The following SPAG5 variants were observed in gnomAD, a reference collection of about 807,000 sequenced individuals.
SPAG5 encodes sperm-associated antigen 5.
A neutral mutation model predicts 145.4 loss-of-function variants in SPAG5; 99 were observed. That is an observed-to-expected ratio of 0.68 (90% CI 0.58 to 0.80). The LOEUF (loss-of-function observed/expected upper bound fraction) is 0.80, where lower values mean the gene tolerates loss of function less well. Among genes scored for constraint, SPAG5 ranks in the 30% least tolerant of loss-of-function variants. The pLI is 0.00. For missense variants in SPAG5, 1,192 were observed against 1,416.0 expected, an observed-to-expected ratio of 0.84 and a Z score of 2.54; for synonymous variants, 477 against 525.4, an observed-to-expected ratio of 0.91 and a Z score of 1.26.
At chr17:28,578,161 C>T (rs1047579354) in intron 22 of SPAG5, 57 bp downstream of exon 22, 14 of 1,605,790 alleles carry the variant, frequency 8.7e-6, no homozygotes, top group East Asian at 6.7e-5. Context: ...GGAAACATGG[C>T]GGGGCATTTG....
rs563526177 is a variant in SPAG5 at position 28,598,740 on chromosome 17, G to A, written c.52-105C>T. The A allele has an allele frequency of 4.9e-5, 75 of 1,519,210 alleles. No individual in the cohort carries two copies. The African/African-American group carries it at 9.8e-4, about 20-fold the overall frequency. 94.1% of individuals were successfully genotyped at this position (1,519,210 alleles called of 1,614,324 possible). A position where few individuals can be genotyped will look rare whatever the true frequency, so the allele number is the denominator to read the frequency against. On this transcript the variant is annotated intron_variant, in intron 1 of 23. Transcript: ENST00000321765. ...GCCCAAAATGCGATTAGAAGAGTAC[G>A]CTCGCACCCTAGTCGCGCAGGAGCA... is the stretch of plus-strand genomic sequence containing the variant.
At position 28,585,187 on chromosome 17, in the gene SPAG5, C is replaced by T. The variant is rs1055479641; in HGVS notation, c.1982G>A (p.Arg661Gln). 3.7e-6 allele frequency: 6 copies of T among 1,614,062 alleles called. No homozygotes were observed. The highest frequency in any genetic ancestry group is 5.1e-6 in the Non-Finnish European group (6 of 1,180,036). Residue 661 changes from arginine to glutamine, a missense_variant, in exon 10 of 24, where the codon CGG becomes CAG. Arg to Gln is a conservative substitution (Grantham distance 43, BLOSUM62 1). Transcript: ENST00000321765. ...DYTTWTALLS[R>Q]SRQLTEKLTV... ...GAGTTTCTCTGTGAGTTGTCGGGAC[C>T]GACTCAGCAAAGCTGTCCATGTTGT...
chr17:28,578,962 C>T (rs1033498401), intron 19 of SPAG5, among the ~76,000 whole-genome samples, 179 bp downstream of exon 19: 1 of 152,176 alleles, frequency 6.6e-6, no homozygotes, highest in Non-Finnish European at 1.5e-5. Flanking sequence ...CCTGAGTCAG[C>T]CTGGGAAGAC....
chr17:28,579,277 C>CA (rs750261574), intron 18 of SPAG5, 25 bp from the exon 19 acceptor site: 1 of 1,613,832 alleles, frequency 6.2e-7, no homozygotes, highest in East Asian at 2.2e-5. Flanking sequence ...AATTTAGCAA[C>CA]ATTCCTGTCC....
intron 14 of SPAG5, 74 bp from the exon 15 acceptor site, chr17:28,583,723 A>C: frequency 1.3e-6 from 2 of 1,549,040 alleles, no homozygotes; most frequent in Non-Finnish European, 1.7e-6. Context: ...ATCCCCACAG[A>C]GCTGCATTAA....
At chr17:28,581,080 G>C (rs1183045433) in intron 15 of SPAG5, among the ~76,000 whole-genome samples, 1 of 152,192 alleles carries the variant, frequency 6.6e-6, no homozygotes, top group East Asian at 1.9e-4. Context: ...CTAGCAAATT[G>C]TGGCCTACAG....
At chr17:28,597,829 C>G (rs2070678267) in intron 2 of SPAG5, among the ~76,000 whole-genome samples, 2 of 152,174 alleles carry the variant, frequency 1.3e-5, no homozygotes, top group Admixed American at 1.3e-4. Context: ...TTCTAGAAGG[C>G]AGAGCAAGAG....
At chr17:28,580,195 TCTC>T in intron 15 of SPAG5, 75 bp from the exon 16 acceptor site, 1 of 917,624 alleles carries the variant, frequency 1.1e-6, no homozygotes. Flanking sequence ...CTCCCAGCCA[TCTC>T]CTCCAAAATG....
intron 2 of SPAG5, 46 bp downstream of exon 2, chr17:28,598,464 C>A (rs1199368899): frequency 6.2e-7 from 1 of 1,602,034 alleles, no homozygotes; most frequent in African/African-American, 1.3e-5. Flanking sequence ...TGAGCTCTCA[C>A]CCTGGGCAAA....
Position 28,579,440 on chromosome 17 carries a change from G to A in SPAG5, c.2930C>T (p.Thr977Ile). 1.9e-6 allele frequency: 3 copies of A among 1,614,074 alleles called. No individual in the cohort carries two copies. Among genetic ancestry groups the A allele is most frequent in the Non-Finnish European group, 2.5e-6 (3 of 1,179,960 alleles). The change falls in exon 18 of 24, where the codon ACT becomes ATT. Residue 977 changes from threonine to isoleucine, a missense_variant. Physicochemically the swap from Thr to Ile is moderately conservative, Grantham distance 89 (BLOSUM62 -1). Transcript: ENST00000321765. ...GGAACAAAGACTCTGAAGCTCAGTA[G>A]TCATAATACTCATTTCTGCCAGGCT... ...EESLAEMSIM[T>I]TELQSLCSLL... is the part of the protein sequence containing the mutation.
rs1253347037 is a variant in SPAG5 at position 28,579,251 on chromosome 17, A to T, written c.3007T>A (p.Cys1003Ser). 1 of 1,614,162 alleles carries T rather than the reference A, an allele frequency of 6.2e-7. No homozygotes were observed. Among genetic ancestry groups the T allele is most frequent in the Non-Finnish European group, 8.5e-7 (1 of 1,180,002 alleles). ...EAIRTLQRKI[C>S]ELQARLQAQE... ...GCCTGCAGCCTAGCTTGCAGCTCAC[A>T]ACTGAAGGAAGGAAGAATTTAGCAA... The change falls in exon 19 of 24, where the codon TGT (cysteine) becomes AGT (serine). Residue 1003 changes from cysteine (C) to serine (S), a missense_variant and splice_region_variant. Coordinates refer to ENST00000321765, the MANE Select transcript of SPAG5 (RefSeq NM_006461.4).
At chr17:28,591,564 CA>C in intron 4 of SPAG5, 133 bp downstream of exon 4, 1 of 862,830 alleles carries the variant, frequency 1.2e-6, no homozygotes, top group Non-Finnish European at 1.8e-6. Context: ...TGTGACTGCC[CA>C]GATTCTCAGC....
chr17:28,591,816 C>G lies in SPAG5; in HGVS notation c.1319G>C (p.Ser440Thr). ...GAGAACCTCCAGAATGACAAGAGAGCTCAGCAGGTTATCTTCCAAGTCATG... is the reference window on the plus strand; with the variant it reads ...GAGAACCTCCAGAATGACAAGAGAGGTCAGCAGGTTATCTTCCAAGTCATG... ...SRHDLEDNLL[S>T]SLVILEVLSR... The change falls in exon 4 of 24, where the codon AGC becomes ACC. Residue 440 changes from serine (S) to threonine (T), a missense_variant. Ser to Thr is a moderately conservative substitution (Grantham distance 58). Coordinates refer to ENST00000321765, the MANE Select transcript of SPAG5 (RefSeq NM_006461.4). 1 of 1,614,134 alleles carries G rather than the reference C, an allele frequency of 6.2e-7. No individual in the cohort carries two copies. The highest frequency in any genetic ancestry group is 1.1e-5 in the South Asian group (1 of 91,080).
intron 10 of SPAG5, 131 bp from the exon 11 acceptor site, chr17:28,584,876 G>T: frequency 1.2e-6 from 1 of 813,280 alleles, no homozygotes; most frequent in Non-Finnish European, 2.0e-6. Context: ...CAGAAAATAA[G>T]GTTGATCCTC....
chr17:28,590,110 C>G (rs372638790), intron 4 of SPAG5, among the ~76,000 whole-genome samples: 2 of 152,250 alleles, frequency 1.3e-5, no homozygotes, highest in African/African-American at 4.8e-5. Context: ...AATAAACATG[C>G]TCGGCAAAAT....
At chr17:28,585,714 G>A (rs1389645199) in intron 7 of SPAG5, 61 bp from the exon 8 acceptor site, 1 of 1,610,992 alleles carries the variant, frequency 6.2e-7, no homozygotes, top group Non-Finnish European at 8.5e-7. Flanking sequence ...ACAAAAAGAT[G>A]TAACCATGAC....
Position 28,580,185 on chromosome 17 carries a change from C to A in SPAG5, c.2686-65G>T, listed in dbSNP as rs765562777. On this transcript the variant is annotated intron_variant, in intron 15 of 23. Coordinates refer to ENST00000321765, the MANE Select transcript of SPAG5 (RefSeq NM_006461.4). ...AGTGAACTCCTGGGCTTCCAGGTAA[C>A]TCCCAGCCATCTCCTCCAAAATGCT... 44 of 1,075,978 alleles carry A rather than the reference C, an allele frequency of 4.1e-5. 1 individual carries two copies. The South Asian group carries it at 4.4e-4, about 11-fold the overall frequency. 66.7% of individuals were successfully genotyped at this position (1,075,978 alleles called of 1,614,324 possible). A position where few individuals can be genotyped will look rare whatever the true frequency, so the allele number is the denominator to read the frequency against.
At chr17:28,585,774 AC>A (rs2070580960) in intron 7 of SPAG5, 89 bp downstream of exon 7, 3 of 1,607,692 alleles carry the variant, frequency 1.9e-6, no homozygotes, top group Non-Finnish European at 2.5e-6. Context: ...TTCTTAGGCC[AC>A]CCATCTGTGT....
chr17:28,580,079 G>C lies in SPAG5; in HGVS notation c.2727C>G (p.Pro909=), dbSNP rs960325081. The stretch of plus-strand genomic sequence containing the variant: ...CATTAGGCAGAGGGTGTTCCTGGGT[G>C]GGAGGACAGGCTGTACTCAGCAGAA... The part of the protein sequence containing the change: ...ETLLLSTACP[P]TQEHPLPNDR... The change falls in exon 16 of 24, where the codon CCC becomes CCG. Residue 909 remains proline, a synonymous_variant. Coordinates refer to ENST00000321765, the MANE Select transcript of SPAG5 (RefSeq NM_006461.4). The C allele has an allele frequency of 1.2e-6, 2 of 1,614,048 alleles. No individual in the cohort carries two copies. Among genetic ancestry groups the C allele is most frequent in the East Asian group, 4.5e-5 (2 of 44,890 alleles).
Sources: gnomAD v4.1 joint callset for allele counts (sites outside exome capture counted in the v4.1 genomes callset) on GRCh38, gnomAD v4.1.1 for gene constraint, MANE v1.5 for transcripts, NCBI Gene and HGNC (gene_info 2026-07-23, HGNC 2026-07-21) for gene names.